Variants in PTPRJ observed in about 807,000 individuals in gnomAD.
PTPRJ encodes receptor-type tyrosine-protein phosphatase eta.
Under a neutral mutation model 141.3 loss-of-function variants are expected in PTPRJ, and 129 were observed. The ratio of observed to expected loss-of-function variants is 0.91; its 90% CI spans 0.79 to 1.06. The LOEUF is 1.06. PTPRJ is among the 50% of genes least tolerant of loss of function. PTPRJ has a pLI of 0.00. For missense variants in PTPRJ, 1,601 were observed against 1,679.7 expected (o/e 0.95, Z 0.82); for synonymous variants, 610 against 640.5 (o/e 0.95, Z 0.72).
Position 48,112,989 on chromosome 11 carries a change from C to T in PTPRJ, c.352+6C>T. The T allele has an allele frequency of 6.3e-7, 1 of 1,588,396 alleles. No individual in the cohort carries two copies. Among genetic ancestry groups the T allele is most frequent in the Non-Finnish European group, 8.6e-7 (1 of 1,160,142 alleles). Reference sequence around the variant, plus strand: ...AAAAACTCCCAGTAGCACTGGTAAGCATAGGCTTTTCTGCCAGTCATGTTT... The same window carrying T: ...AAAAACTCCCAGTAGCACTGGTAAGTATAGGCTTTTCTGCCAGTCATGTTT... On this transcript the variant is annotated splice_donor_region_variant and intron_variant, in intron 3 of 24. Transcript: ENST00000418331.
intron 1 of PTPRJ, among the ~76,000 whole-genome samples, chr11:48,049,607 G>A (rs60711233): frequency 0.048 from 7,258 of 151,838 alleles, 582 homozygotes; most frequent in African/African-American, 0.16. Context: ...CCATGTACTC[G>A]GGAGGCTGAG....
Position 47,980,579 on chromosome 11 carries a change from C to A in PTPRJ, c.-334C>A, listed in dbSNP as rs1390706106. 1.0e-6 allele frequency: 1 copy of A among 982,766 alleles called. No homozygotes were observed. The highest frequency in any genetic ancestry group is 1.8e-5 in the African/African-American group (1 of 56,902). 60.9% of individuals were successfully genotyped at this position (982,766 alleles called of 1,614,324 possible). A position where few individuals can be genotyped will look rare whatever the true frequency, so the allele number is the denominator to read the frequency against. On this transcript the variant is annotated 5_prime_UTR_variant, in exon 1 of 25. Transcript: ENST00000418331. The stretch of plus-strand genomic sequence containing the variant: ...GCAGCAGCCCCAGCCGCATGACGCG[C>A]GGAGGAGGCAGCGGGAGCAGCCGCG...
At position 48,067,524 on chromosome 11, in the gene PTPRJ, A is replaced by G. The variant is rs538464439; in HGVS notation, c.97-42534A>G. 3.3e-5 allele frequency among the ~76,000 whole-genome samples: 5 copies of G among 152,320 alleles called. No individual in the cohort carries two copies. The South Asian group carries it at 6.2e-4, about 19-fold the overall frequency. ...GACTGTGAATTTATTTGGAAATTTGAAAGAGAAGAGAGTCTTATCCTAGGA... is the reference window on the plus strand; with the variant it reads ...GACTGTGAATTTATTTGGAAATTTGGAAGAGAAGAGAGTCTTATCCTAGGA... On this transcript the variant is annotated intron_variant, in intron 1 of 24. Transcript: ENST00000418331.
chr11:48,100,890 A>G (rs2134312756), intron 1 of PTPRJ, among the ~76,000 whole-genome samples: 2 of 130,046 alleles, frequency 1.5e-5, no homozygotes, highest in African/African-American at 6.3e-5. Context: ...CTCAAAAAGA[A>G]AAAAAAAAAA....
chr11:48,149,362 AG>A, intron 15 of PTPRJ, 84 bp from the exon 16 acceptor site: 1 of 898,998 alleles, frequency 1.1e-6, no homozygotes, highest in Non-Finnish European at 1.8e-6. Flanking sequence ...TTTATTTCAT[AG>A]ATGACATCAA....
intron 1 of PTPRJ, among the ~76,000 whole-genome samples, chr11:47,984,746 A>T (rs889206285): frequency 6.6e-6 from 1 of 151,676 alleles, no homozygotes; most frequent in Non-Finnish European, 1.5e-5. Context: ...TTTAGTAGAG[A>T]TGGGGTTTCA....
chr11:48,062,017 A>C (rs1590454964), intron 1 of PTPRJ, among the ~76,000 whole-genome samples: 1 of 141,580 alleles, frequency 7.1e-6, no homozygotes, highest in East Asian at 2.2e-4. Context: ...CGATCCCCCC[A>C]CCTCAGCCTC....
At chr11:48,120,013 G>A (rs1856665876) in intron 3 of PTPRJ, among the ~76,000 whole-genome samples, 1 of 152,196 alleles carries the variant, frequency 6.6e-6, no homozygotes, top group African/African-American at 2.4e-5. Context: ...TCAGAGAGGT[G>A]AGATGACTTT....
At chr11:48,131,070 ATTTTTTTT>A (rs71045547) in intron 8 of PTPRJ, among the ~76,000 whole-genome samples, 58 of 46,542 alleles carry the variant, frequency 1.2e-3, no homozygotes, top group Non-Finnish European at 1.7e-3. Context: ...ATATATATAT[ATTTTTTTT>A]TTTTTTTTTT....
At chr11:48,071,974 T>C (rs1446597677) in intron 1 of PTPRJ, among the ~76,000 whole-genome samples, 1 of 150,162 alleles carries the variant, frequency 6.7e-6, no homozygotes, top group Non-Finnish European at 1.5e-5. Context: ...GGCATGATCT[T>C]GGCTCACTGC....
intron 16 of PTPRJ, 114 bp downstream of exon 16, chr11:48,149,602 C>T: frequency 1.4e-6 from 1 of 732,440 alleles, no homozygotes; most frequent in South Asian, 2.0e-5. Context: ...CACATTTTGA[C>T]CATGACCATC....
At chr11:48,042,098 T>G (rs1278311437) in intron 1 of PTPRJ, among the ~76,000 whole-genome samples, 1 of 152,104 alleles carries the variant, frequency 6.6e-6, no homozygotes, top group African/African-American at 2.4e-5. Flanking sequence ...AAAGATACAA[T>G]CTCTTTGAAT....
At chr11:48,054,767 A>G (rs73464865) in intron 1 of PTPRJ, among the ~76,000 whole-genome samples, 3,299 of 151,688 alleles carry the variant, frequency 0.022, 119 homozygotes, top group African/African-American at 0.075. Flanking sequence ...TATGAGAACA[A>G]GTTATTTAAC....
intron 1 of PTPRJ, among the ~76,000 whole-genome samples, chr11:48,086,737 C>CTG (rs746652210): frequency 7.6e-4 from 115 of 152,110 alleles, no homozygotes; most frequent in Non-Finnish European, 1.4e-3. Flanking sequence ...AAGGAAGACA[C>CTG]TGTGTGTGTG....
At chr11:48,081,920 A>G (rs573629180) in intron 1 of PTPRJ, among the ~76,000 whole-genome samples, 4 of 152,202 alleles carry the variant, frequency 2.6e-5, no homozygotes, top group Non-Finnish European at 5.9e-5. Flanking sequence ...CTTTCAGGGT[A>G]GATGTGGTGA....
chr11:48,005,368 A>G (rs1854596389), intron 1 of PTPRJ, among the ~76,000 whole-genome samples: 2 of 151,396 alleles, frequency 1.3e-5, no homozygotes, highest in African/African-American at 4.9e-5. Context: ...TCCCTCCCCC[A>G]CCTCCTGGCA....
At chr11:48,014,384 C>G (rs567437412) in intron 1 of PTPRJ, 2 of 152,268 alleles carry the variant, frequency 1.3e-5, no homozygotes, top group Admixed American at 1.3e-4. Context: ...CTTGTTTTCC[C>G]TAGATTTTTG....
At chr11:48,001,700 G>T (rs986756188) in intron 1 of PTPRJ, among the ~76,000 whole-genome samples, 3 of 152,246 alleles carry the variant, frequency 2.0e-5, no homozygotes, top group Admixed American at 6.5e-5. Flanking sequence ...CATTTTACAG[G>T]AGAGGAAAAT....
At chr11:48,104,732 T>C (rs192301216) in intron 1 of PTPRJ, among the ~76,000 whole-genome samples, 13 of 152,348 alleles carry the variant, frequency 8.5e-5, no homozygotes, top group Admixed American at 3.9e-4. Context: ...ATGGGGGCTG[T>C]TCCCAAGGCC....
Sources: allele counts gnomAD v4.1 joint callset (sites outside exome capture counted in the v4.1 genomes callset), GRCh38; gene constraint gnomAD v4.1.1; transcripts MANE v1.5; gene names NCBI Gene and HGNC (gene_info 2026-07-23, HGNC 2026-07-21).